Variants in ANKS1B observed in about 807,000 individuals in gnomAD.
ANKS1B encodes ankyrin repeat and sterile alpha motif domain-containing protein 1B.
In ANKS1B, 36 loss-of-function variants were observed where a neutral mutation model predicts 148.3. That is an observed-to-expected ratio of 0.24 (90% CI 0.19 to 0.32). ANKS1B has a LOEUF of 0.32. Ranked by LOEUF, ANKS1B falls within the 10% of genes least tolerant of loss-of-function variation. ANKS1B has a pLI of 1.00. For synonymous variants in ANKS1B, 542 were observed against 560.8 expected (o/e 0.97, Z 0.47); for missense variants, 1,157 against 1,542.6 (o/e 0.75, Z 4.19).
chr12:99,637,118 C>T (rs902933836), intron 9 of ANKS1B, among the ~76,000 whole-genome samples: 2 of 151,988 alleles, frequency 1.3e-5, no homozygotes. Flanking sequence ...TCAGCCTGAC[C>T]AACATAGTGA....
chr12:99,113,013 C>T (rs1011822273), intron 15 of ANKS1B, among the ~76,000 whole-genome samples: 1 of 152,114 alleles, frequency 6.6e-6, no homozygotes, highest in African/African-American at 2.4e-5. Context: ...AAAATAAAAC[C>T]TTATATGGAA....
chr12:98,845,670 G>C (rs1051984612), intron 17 of ANKS1B, among the ~76,000 whole-genome samples: 5 of 151,682 alleles, frequency 3.3e-5, no homozygotes, highest in African/African-American at 1.2e-4. Flanking sequence ...TGGAAAATTT[G>C]AGGGCAATCT....
intron 12 of ANKS1B, among the ~76,000 whole-genome samples, chr12:99,372,889 C>A (rs1417991190): frequency 2.0e-5 from 3 of 151,998 alleles, no homozygotes; most frequent in Non-Finnish European, 2.9e-5. Context: ...TAATGTATGC[C>A]TTCCATGTCA....
rs529534986 is a variant in ANKS1B, at chr12:99,372,709, G to A, written c.1756+26922C>T. Among the ~76,000 whole-genome samples, 12 of 151,960 alleles carry A rather than the reference G, an allele frequency of 7.9e-5. No homozygotes were observed. The South Asian group carries it at 1.9e-3, about 24-fold the overall frequency. Reference sequence around the variant, plus strand: ...ACTCACGCACATTATTTTTATATGCGACAATTTCTGGCTCTGCATAAAATG... The same window carrying A: ...ACTCACGCACATTATTTTTATATGCAACAATTTCTGGCTCTGCATAAAATG... On this transcript the variant is annotated intron_variant, in intron 12 of 26. Coordinates refer to ENST00000683438, the MANE Select transcript of ANKS1B (RefSeq NM_001352186.2).
chr12:99,184,693 T>C (rs750832137), intron 14 of ANKS1B, among the ~76,000 whole-genome samples: 58 of 152,212 alleles, frequency 3.8e-4, no homozygotes, highest in Non-Finnish European at 6.9e-4. Flanking sequence ...GTGCAAAGCA[T>C]TGCTTACAAT....
chr12:99,510,859 C>T (rs879783574), intron 9 of ANKS1B, among the ~76,000 whole-genome samples: 1 of 151,912 alleles, frequency 6.6e-6, no homozygotes, highest in Non-Finnish European at 1.5e-5. Context: ...TTTTAAGAAA[C>T]TGCCCACTGA....
intron 17 of ANKS1B, among the ~76,000 whole-genome samples, chr12:98,898,817 T>C (rs908228214): frequency 1.3e-5 from 2 of 152,190 alleles, no homozygotes; most frequent in Admixed American, 6.5e-5. Context: ...AAAAAACTCT[T>C]ATGGTACCAA....
intron 17 of ANKS1B, chr12:98,894,547 C>T: frequency 5.1e-6 from 5 of 982,864 alleles, no homozygotes; most frequent in East Asian, 1.1e-4. Flanking sequence ...TCCGCCTCTG[C>T]CCCGGCTGCG....
intron 17 of ANKS1B, among the ~76,000 whole-genome samples, chr12:98,957,991 G>A (rs910189897): frequency 3.3e-5 from 5 of 152,140 alleles, no homozygotes; most frequent in Non-Finnish European, 7.4e-5. Flanking sequence ...ATAGATGGGA[G>A]GTGGGTAATG....
chr12:99,055,706 G>A, intron 16 of ANKS1B, among the ~76,000 whole-genome samples: 1 of 132,058 alleles, frequency 7.6e-6, no homozygotes, highest in East Asian at 2.4e-4. Context: ...CAGTCCCTTA[G>A]GGGAAGTCTA....
intron 14 of ANKS1B, among the ~76,000 whole-genome samples, chr12:99,165,750 G>A (rs992688836): frequency 2.0e-5 from 3 of 151,842 alleles, no homozygotes; most frequent in African/African-American, 7.2e-5. Flanking sequence ...GAAAGTTGAG[G>A]AGAGAGAATA....
At chr12:99,514,007 T>G (rs1328322652) in intron 9 of ANKS1B, among the ~76,000 whole-genome samples, 1 of 152,066 alleles carries the variant, frequency 6.6e-6, no homozygotes, top group Non-Finnish European at 1.5e-5. Flanking sequence ...ATCTCAGAAT[T>G]TCCTTGCTGA....
chr12:99,271,661 AC>A (rs2077049783), intron 12 of ANKS1B, among the ~76,000 whole-genome samples: 1 of 60,856 alleles, frequency 1.6e-5, no homozygotes, highest in Non-Finnish European at 3.1e-5. Flanking sequence ...CAGTCAATAA[AC>A]TATATATATA....
At chr12:99,778,025 C>A (rs1016218885) in intron 6 of ANKS1B, among the ~76,000 whole-genome samples, 2 of 151,774 alleles carry the variant, frequency 1.3e-5, no homozygotes, top group East Asian at 2.0e-4. Context: ...CGTGAAACTC[C>A]GTCTCTACTA....
chr12:99,161,321 G>C (rs1334137176), intron 14 of ANKS1B, among the ~76,000 whole-genome samples: 1 of 152,148 alleles, frequency 6.6e-6, no homozygotes, highest in Non-Finnish European at 1.5e-5. Flanking sequence ...AGGATCACTT[G>C]AGTTTGAGAC....
intron 8 of ANKS1B, among the ~76,000 whole-genome samples, chr12:99,739,270 C>G (rs559753097): frequency 7.3e-6 from 1 of 136,446 alleles, no homozygotes; most frequent in African/African-American, 2.8e-5. Context: ...AAGAAACTTC[C>G]ATTTTAATAT....
At chr12:98,736,138 T>C (rs936433272) in intron 9 of ANKS1B, among the ~76,000 whole-genome samples, 3 of 152,284 alleles carry the variant, frequency 2.0e-5, no homozygotes, top group African/African-American at 7.2e-5. Flanking sequence ...CTTTTGACTC[T>C]GGGAGCCAGT....
intron 12 of ANKS1B, among the ~76,000 whole-genome samples, chr12:99,340,772 G>A (rs2089779858): frequency 6.6e-6 from 1 of 151,922 alleles, no homozygotes; most frequent in Non-Finnish European, 1.5e-5. Context: ...TAAAAAAAAT[G>A]CAAAGCACTA....
At chr12:99,307,195 T>C (rs978056232) in intron 12 of ANKS1B, among the ~76,000 whole-genome samples, 3 of 152,152 alleles carry the variant, frequency 2.0e-5, no homozygotes, top group Admixed American at 6.6e-5. Context: ...ATTGTGATTG[T>C]TGGATTCTTC....
Sources: gnomAD v4.1 joint callset for allele counts (sites outside exome capture counted in the v4.1 genomes callset) on GRCh38, gnomAD v4.1.1 for gene constraint, MANE v1.5 for transcripts, NCBI Gene and HGNC (gene_info 2026-07-23, HGNC 2026-07-21) for gene names.